The following FBN1 variants were observed in gnomAD, a reference collection of about 807,000 sequenced individuals.
FBN1 encodes fibrillin-1.
In FBN1, 29 loss-of-function variants were observed where a neutral mutation model predicts 365.1. The observed-to-expected ratio is 0.08, with a 90% confidence interval of 0.06 to 0.11. FBN1 has a LOEUF of 0.11. FBN1 is among the 10% of genes least tolerant of loss of function. The pLI, the probability that FBN1 is intolerant of heterozygous loss-of-function variation, is 1.00. For missense variants in FBN1, 2,476 were observed against 3,703.2 expected, an observed-to-expected ratio of 0.67 and a Z score of 8.60; for synonymous variants, 1,210 against 1,270.5, an observed-to-expected ratio of 0.95 and a Z score of 1.01.
At chr15:48,509,601 T>C (rs1170688187) in intron 14 of FBN1, among the ~76,000 whole-genome samples, 2 of 145,596 alleles carry the variant, frequency 1.4e-5, no homozygotes, top group South Asian at 2.2e-4. Context: ...ATAGAAAATA[T>C]ACATAACATG....
intron 24 of FBN1, 72 bp downstream of exon 24, chr15:48,492,389 A>C: frequency 6.7e-7 from 1 of 1,497,272 alleles, no homozygotes; most frequent in Non-Finnish European, 9.2e-7. Flanking sequence ...GTGCTCAGCT[A>C]TATCTTGTTA....
chr15:48,427,432 G>A (rs1471897686), intron 58 of FBN1, 135 bp downstream of exon 58: 3 of 905,222 alleles, frequency 3.3e-6, no homozygotes, highest in Non-Finnish European at 5.1e-6. Flanking sequence ...ACTCCATAAT[G>A]AAGAATTTTT....
At chr15:48,525,233 C>T (rs1280074394) in intron 9 of FBN1, among the ~76,000 whole-genome samples, 1 of 151,966 alleles carries the variant, frequency 6.6e-6, no homozygotes, top group African/African-American at 2.4e-5. Flanking sequence ...ATTACAGGCA[C>T]CCGCCACGAC....
chr15:48,590,663 C>T (rs1396516788), intron 6 of FBN1, among the ~76,000 whole-genome samples: 3 of 152,164 alleles, frequency 2.0e-5, no homozygotes, highest in African/African-American at 7.2e-5. Flanking sequence ...ATACAAAAAC[C>T]TTTTCAGCTT....
At chr15:48,625,388 T>G (rs975050231) in intron 2 of FBN1, among the ~76,000 whole-genome samples, 1 of 152,134 alleles carries the variant, frequency 6.6e-6, no homozygotes, top group East Asian at 1.9e-4. Context: ...AAACCCACCA[T>G]GTCTCAGCTT....
chr15:48,593,099 T>C (rs886499588), intron 6 of FBN1, among the ~76,000 whole-genome samples: 2 of 152,334 alleles, frequency 1.3e-5, no homozygotes, highest in East Asian at 3.9e-4. Context: ...ATGACTATTA[T>C]GATTCATAAT....
chr15:48,452,508 T>C, intron 45 of FBN1, 54 bp downstream of exon 45: 1 of 1,607,546 alleles, frequency 6.2e-7, no homozygotes, highest in Non-Finnish European at 8.5e-7. Context: ...TATCTGAAGC[T>C]TCATGAAGAC....
intron 9 of FBN1, 70 bp from the exon 10 acceptor site, chr15:48,520,887 C>A: frequency 6.3e-7 from 1 of 1,599,232 alleles, no homozygotes; most frequent in South Asian, 1.1e-5. Flanking sequence ...CTCCCCTGCC[C>A]GAGCAGCTCC....
intron 42 of FBN1, 34 bp downstream of exon 42, chr15:48,463,048 C>T (rs1160441845): frequency 6.2e-7 from 1 of 1,603,962 alleles, no homozygotes; most frequent in Non-Finnish European, 8.5e-7. Flanking sequence ...ATTTTTCAAC[C>T]TATATTTTTG....
chr15:48,466,712 A>G (rs560209717), intron 38 of FBN1, among the ~76,000 whole-genome samples: 3 of 152,148 alleles, frequency 2.0e-5, no homozygotes, highest in African/African-American at 7.2e-5. Context: ...GTGGATATCT[A>G]TTGTTTTGCT....
At chr15:48,424,746 T>G (rs1157400638) in intron 60 of FBN1, among the ~76,000 whole-genome samples, 1 of 152,184 alleles carries the variant, frequency 6.6e-6, no homozygotes, top group African/African-American at 2.4e-5. Flanking sequence ...AATGTTCTTA[T>G]TGTGGAGGAA....
At chr15:48,458,462 T>A (rs955186622) in intron 43 of FBN1, among the ~76,000 whole-genome samples, 2 of 152,188 alleles carry the variant, frequency 1.3e-5, no homozygotes, top group African/African-American at 4.8e-5. Context: ...CCTTTGTCAT[T>A]CATGTCATGA....
intron 2 of FBN1, among the ~76,000 whole-genome samples, chr15:48,616,066 C>T (rs564200331): frequency 2.0e-5 from 3 of 152,186 alleles, no homozygotes; most frequent in Non-Finnish European, 2.9e-5. Context: ...GAAGTATGAA[C>T]GTCTTATCTT....
intron 4 of FBN1, among the ~76,000 whole-genome samples, chr15:48,605,030 A>G (rs1208807508): frequency 6.6e-6 from 1 of 152,208 alleles, no homozygotes; most frequent in Non-Finnish European, 1.5e-5. Flanking sequence ...AATTGAAGTA[A>G]ATTAAATGAG....
At chr15:48,559,828 C>T (rs909918960) in intron 6 of FBN1, among the ~76,000 whole-genome samples, 2 of 152,102 alleles carry the variant, frequency 1.3e-5, no homozygotes, top group African/African-American at 2.4e-5. Flanking sequence ...AAGTGAAAGA[C>T]GAAGTATTTT....
intron 12 of FBN1, 112 bp from the exon 13 acceptor site, chr15:48,513,780 A>G (rs939256397): frequency 1.6e-6 from 2 of 1,223,630 alleles, no homozygotes; most frequent in Non-Finnish European, 1.2e-6. Flanking sequence ...AGAAATAAAT[A>G]ACATAATAAA....
chr15:48,436,126 A>G (rs2043070399), intron 53 of FBN1, among the ~76,000 whole-genome samples: 1 of 152,128 alleles, frequency 6.6e-6, no homozygotes, highest in African/African-American at 2.4e-5. Context: ...TTCTACTATA[A>G]TATTCAATTA....
chr15:48,420,095 T>C (rs1792176485), intron 63 of FBN1, among the ~76,000 whole-genome samples: 1 of 152,222 alleles, frequency 6.6e-6, no homozygotes, highest in African/African-American at 2.4e-5. Flanking sequence ...TAAGAGTTAT[T>C]TTCCCATGAC....
intron 6 of FBN1, among the ~76,000 whole-genome samples, chr15:48,574,081 A>C (rs2044326728): frequency 2.0e-5 from 3 of 152,156 alleles, no homozygotes; most frequent in African/African-American, 7.2e-5. Flanking sequence ...TGGCCTAATT[A>C]CCTTGTTAAT....
Sources: allele counts gnomAD v4.1 joint callset (sites outside exome capture counted in the v4.1 genomes callset), GRCh38; gene constraint gnomAD v4.1.1; transcripts MANE v1.5; gene names NCBI Gene and HGNC (gene_info 2026-07-23, HGNC 2026-07-21).